ATP2B2: variants seen among roughly 807,000 people sequenced by gnomAD.
ATP2B2 encodes plasma membrane calcium-transporting ATPase 2.
Under a neutral mutation model 120.0 loss-of-function variants are expected in ATP2B2, and 15 were observed. That is an observed-to-expected ratio of 0.12 (90% CI 0.08 to 0.19). ATP2B2 has a LOEUF of 0.19. Ranked by LOEUF, ATP2B2 falls within the 10% of genes least tolerant of loss-of-function variation. The probability of loss-of-function intolerance (pLI) is 1.00; values close to 1 mark genes in which losing one functional copy is unlikely to be tolerated. For missense variants in ATP2B2, 1,045 were observed against 1,719.8 expected (o/e 0.61, Z 6.94); for synonymous variants, 694 against 700.3 (o/e 0.99, Z 0.14).
At chr3:10,357,755 C>T (rs995125459) in intron 14 of ATP2B2, among the ~76,000 whole-genome samples, 8 of 152,202 alleles carry the variant, frequency 5.3e-5, no homozygotes, top group African/African-American at 1.9e-4. Context: ...CCCTCCTGCA[C>T]GCTGCCTCAT....
chr3:10,504,452 G>C (rs922557939), intron 1 of ATP2B2, among the ~76,000 whole-genome samples: 2 of 152,086 alleles, frequency 1.3e-5, no homozygotes, highest in Non-Finnish European at 1.5e-5. Flanking sequence ...CCGGCTGGTC[G>C]GGCTTGCCTG....
intron 2 of ATP2B2, among the ~76,000 whole-genome samples, chr3:10,579,452 C>A (rs999570241): frequency 2.0e-5 from 3 of 152,150 alleles, no homozygotes; most frequent in Non-Finnish European, 4.4e-5. Context: ...GCAGGCAGAT[C>A]CCCTGAGGTC....
intron 3 of ATP2B2, among the ~76,000 whole-genome samples, chr3:10,520,308 G>C (rs6793919): frequency 0.45 from 68,429 of 152,016 alleles, 15,850 homozygotes; most frequent in East Asian, 0.67. Context: ...GCAAGCAGCA[G>C]GGGAGGGGGG....
intron 3 of ATP2B2, among the ~76,000 whole-genome samples, chr3:10,513,227 A>G (rs1280456075): frequency 6.6e-6 from 1 of 152,160 alleles, no homozygotes; most frequent in Admixed American, 6.5e-5. Context: ...GGGGGTGATG[A>G]CTGAGCTGGG....
intron 3 of ATP2B2, among the ~76,000 whole-genome samples, chr3:10,532,778 C>T (rs2067236991): frequency 6.6e-6 from 1 of 152,118 alleles, no homozygotes; most frequent in African/African-American, 2.4e-5. Flanking sequence ...GGCATGTGGC[C>T]CATCTGCTTG....
chr3:10,553,006 C>T (rs1220488438), intron 2 of ATP2B2, among the ~76,000 whole-genome samples: 7 of 152,218 alleles, frequency 4.6e-5, no homozygotes, highest in African/African-American at 1.4e-4. Flanking sequence ...CATCCAACTG[C>T]TCTGTCCTCT....
intron 2 of ATP2B2, among the ~76,000 whole-genome samples, chr3:10,588,484 G>T (rs1382769344): frequency 6.6e-6 from 1 of 152,204 alleles, no homozygotes; most frequent in African/African-American, 2.4e-5. Flanking sequence ...CACAGCAGCA[G>T]TTCCACGGCC....
intron 2 of ATP2B2, among the ~76,000 whole-genome samples, chr3:10,556,370 C>T (rs959960167): frequency 3.9e-5 from 6 of 152,232 alleles, no homozygotes; most frequent in African/African-American, 1.2e-4. Flanking sequence ...TCTGCTCCCT[C>T]GAGCTGTCTT....
intron 2 of ATP2B2, among the ~76,000 whole-genome samples, chr3:10,585,094 C>T (rs2068475926): frequency 6.6e-6 from 1 of 152,288 alleles, no homozygotes; most frequent in African/African-American, 2.4e-5. Context: ...GGCTCACACA[C>T]CTGCCCTGCT....
chr3:10,664,178 A>G (rs989547915), intron 1 of ATP2B2, among the ~76,000 whole-genome samples: 3 of 152,048 alleles, frequency 2.0e-5, no homozygotes, highest in African/African-American at 7.3e-5. Flanking sequence ...TGAGCTCCAG[A>G]GCCGGCACCC....
At chr3:10,450,462 C>A (rs1043001340) in intron 1 of ATP2B2, among the ~76,000 whole-genome samples, 1 of 152,176 alleles carries the variant, frequency 6.6e-6, no homozygotes, top group Non-Finnish European at 1.5e-5. Flanking sequence ...CTGTGTCCAC[C>A]AATACACTCT....
Position 10,329,685 on chromosome 3 carries a change from G to T in ATP2B2, c.3421-560C>A, listed in dbSNP as rs898561923. Among the ~76,000 whole-genome samples the T allele has an allele frequency of 6.6e-6, 1 of 152,156 alleles. No homozygotes were observed. Among genetic ancestry groups the T allele is most frequent in the African/African-American group, 2.4e-5 (1 of 41,436 alleles). The stretch of plus-strand genomic sequence containing the variant: ...GTTGGGATGAGAGAGACACATGAGG[G>T]CCAAACAGAACGGGAACATCAAACC... On this transcript the variant is annotated intron_variant, in intron 22 of 22. Transcript: ENST00000360273. The surrounding 1 kb of genome is among the most constrained non-coding windows in gnomAD (Gnocchi z 5.9).
chr3:10,336,157 C>A (rs1210906589), intron 22 of ATP2B2: 2 of 1,550,588 alleles, frequency 1.3e-6, no homozygotes. Context: ...GAAGGCTGGT[C>A]GGAGAGGAAA....
At chr3:10,678,644 T>C (rs527903771) in intron 1 of ATP2B2, among the ~76,000 whole-genome samples, 51 of 152,294 alleles carry the variant, frequency 3.3e-4, no homozygotes, top group African/African-American at 1.2e-3. Context: ...GGAGAGAGCT[T>C]GTACTCCCAA....
Position 10,325,592 on chromosome 3 carries a change from C to T in ATP2B2, c.*3222G>A, listed in dbSNP as rs1350020197. 4 of 152,216 alleles carry T rather than the reference C, an allele frequency of 2.6e-5. No homozygotes were observed. The highest frequency in any genetic ancestry group is 9.7e-5 in the African/African-American group (4 of 41,440). 9.4% of individuals were successfully genotyped at this position (152,216 alleles called of 1,614,324 possible). On this transcript the variant is annotated 3_prime_UTR_variant, in exon 23 of 23. Coordinates refer to ENST00000360273, the MANE Select transcript of ATP2B2 (RefSeq NM_001001331.4). ...TCCAGTCTCAGAAATAGGACTGCCT[C>T]TCTCTTGTCATCTCTATGCTATGGT...
intron 2 of ATP2B2, among the ~76,000 whole-genome samples, chr3:10,575,232 T>C (rs1398028407): frequency 1.3e-5 from 2 of 152,170 alleles, no homozygotes; most frequent in Non-Finnish European, 1.5e-5. Flanking sequence ...CAATTCAGAA[T>C]TGCTGGGCAG....
At chr3:10,518,185 C>T (rs978893616) in intron 3 of ATP2B2, among the ~76,000 whole-genome samples, 3 of 152,198 alleles carry the variant, frequency 2.0e-5, no homozygotes, top group Non-Finnish European at 4.4e-5. Context: ...GAAATCACCT[C>T]CCTTTTAGAA....
rs749252560 is a variant in ATP2B2 at position 10,342,717 on chromosome 3, C to T, written c.2917+35G>A. 1.3e-5 allele frequency: 21 copies of T among 1,610,142 alleles called. No individual in the cohort carries two copies. The highest frequency in any genetic ancestry group is 4.5e-5 in the East Asian group (2 of 44,818). On this transcript the variant is annotated intron_variant, in intron 19 of 22. Coordinates refer to ENST00000360273, the MANE Select transcript of ATP2B2 (RefSeq NM_001001331.4). The surrounding 1 kb of genome is among the most constrained non-coding windows in gnomAD (Gnocchi z 4.4). ...TGGTGCACCCAGAAGGTGATGACCC[C>T]GCCTGGGAGAGGCGTGGGTGGGCGA...
intron 12 of ATP2B2, among the ~76,000 whole-genome samples, chr3:10,362,106 A>C (rs1364232235): frequency 2.6e-5 from 4 of 152,236 alleles, no homozygotes; most frequent in Non-Finnish European, 5.9e-5. Context: ...AACAGAGATA[A>C]ACCCAAACTC....
Sources: gnomAD v4.1 joint callset for allele counts (sites outside exome capture counted in the v4.1 genomes callset) on GRCh38, gnomAD v4.1.1 for gene constraint, Gnocchi (gnomAD v3.1) non-coding constraint, MANE v1.5 for transcripts, NCBI Gene and HGNC (gene_info 2026-07-23, HGNC 2026-07-21) for gene names.